Variants in SUCLG1 observed in about 807,000 individuals in gnomAD.
The protein encoded by SUCLG1 is succinate--CoA ligase [ADP/GDP-forming] subunit alpha, mitochondrial.
Under a neutral mutation model 37.3 loss-of-function variants are expected in SUCLG1, and 26 were observed. The ratio of observed to expected loss-of-function variants is 0.70; its 90% CI spans 0.51 to 0.97. The LOEUF (loss-of-function observed/expected upper bound fraction) is 0.97, where lower values mean the gene tolerates loss of function less well. Ranked by LOEUF, SUCLG1 falls within the 50% of genes least tolerant of loss-of-function variation. The pLI is 0.00. For missense variants in SUCLG1, 433 were observed against 432.9 expected (o/e 1.00, Z 0.00); for synonymous variants, 163 against 155.6 (o/e 1.05, Z -0.36).
At position 84,441,305 on chromosome 2, in the gene SUCLG1, T is replaced by C. The variant is rs779980220; in HGVS notation, c.473A>G (p.Lys158Arg). 8 of 1,614,146 alleles carry C rather than the reference T, an allele frequency of 5.0e-6. No homozygotes were observed. Among genetic ancestry groups the C allele is most frequent in the East Asian group, 2.2e-5 (1 of 44,882 alleles). Residue 158 changes from lysine (K) to arginine (R), a missense_variant, in exon 4 of 9, where the codon AAA (lysine) becomes AGA (arginine). Physicochemically the swap from Lys to Arg is conservative, Grantham distance 26. Transcript: ENST00000393868. ...CCTTGTCTTTTCCTGGCGCAGCAGT[T>C]TGTGCTTGACTCGTACCATGTCCTG... is the stretch of plus-strand genomic sequence containing the variant. ...PQQDMVRVKHKLLRQEKTRLI... is the reference protein window; with the variant it reads ...PQQDMVRVKHRLLRQEKTRLI...
At chr2:84,445,005 T>C (rs1048453428) in intron 2 of SUCLG1, among the ~76,000 whole-genome samples, 2 of 152,176 alleles carry the variant, frequency 1.3e-5, no homozygotes, top group East Asian at 1.9e-4. Flanking sequence ...TACAAACAAT[T>C]TGTGCAGTTA....
chr2:84,431,723 T>C, intron 6 of SUCLG1, 64 bp from the exon 7 acceptor site: 1 of 1,554,870 alleles, frequency 6.4e-7, no homozygotes, highest in South Asian at 1.1e-5. Context: ...TTTAGGTCAA[T>C]AAATGTTTTT....
At chr2:84,442,577 AAC>A (rs1349683893) in intron 3 of SUCLG1, among the ~76,000 whole-genome samples, 3 of 152,228 alleles carry the variant, frequency 2.0e-5, no homozygotes, top group African/African-American at 7.2e-5. Context: ...AGATTTCGAA[AAC>A]ACTGTAAAAT....
intron 7 of SUCLG1, 44 bp from the exon 8 acceptor site, chr2:84,425,647 A>G (rs1290931336): frequency 1.2e-6 from 2 of 1,607,582 alleles, no homozygotes; most frequent in African/African-American, 2.7e-5. Flanking sequence ...GAAGAAGTCA[A>G]TCAAAACGGG....
At chr2:84,440,607 A>G (rs188105526) in intron 5 of SUCLG1, among the ~76,000 whole-genome samples, 2 of 152,352 alleles carry the variant, frequency 1.3e-5, no homozygotes, top group African/African-American at 4.8e-5. Flanking sequence ...ACCTGTACAC[A>G]AATGTTGACC....
rs553731154 is a variant in SUCLG1 at position 84,439,301 on chromosome 2, A to T, written c.589+1746T>A. ...AGGCAAGGTCTAAAGGACTTCCCTG[A>T]ACTTCTCTTGATTTTCATTTTTTAG... On this transcript the variant is annotated intron_variant, in intron 5 of 8. Transcript: ENST00000393868. Among the ~76,000 whole-genome samples the T allele has an allele frequency of 4.3e-4, 65 of 152,254 alleles. No homozygotes were observed. In the South Asian group the frequency reaches 0.013, roughly 31 times the overall value.
At chr2:84,455,885 T>G (rs1325964340) in intron 1 of SUCLG1, among the ~76,000 whole-genome samples, 1 of 151,786 alleles carries the variant, frequency 6.6e-6, no homozygotes, top group Non-Finnish European at 1.5e-5. Flanking sequence ...GCCAGTCCCC[T>G]GATGAAATGA....
At chr2:84,431,032 G>A (rs893018094) in intron 7 of SUCLG1, among the ~76,000 whole-genome samples, 6 of 152,150 alleles carry the variant, frequency 3.9e-5, no homozygotes, top group African/African-American at 1.4e-4. Flanking sequence ...TTTTCTACTT[G>A]ATCTCTGAAG....
In SUCLG1 at chr2:84,438,884, T is replaced by C. The variant is rs190889234; in HGVS notation, c.589+2163A>G. Among the ~76,000 whole-genome samples the C allele has an allele frequency of 3.4e-4, 52 of 152,316 alleles. No homozygotes were observed. The East Asian group carries it at 4.8e-3, about 14-fold the overall frequency. The stretch of plus-strand genomic sequence containing the variant: ...TATAAAAACCCACCAATCAGCGCTC[T>C]GTAGCTAGAGGTTTGTAAAATGGAC... On this transcript the variant is annotated intron_variant, in intron 5 of 8. Coordinates refer to ENST00000393868, the MANE Select transcript of SUCLG1 (RefSeq NM_003849.4).
At chr2:84,449,199 C>T (rs1672897917) in intron 2 of SUCLG1, among the ~76,000 whole-genome samples, 2 of 152,314 alleles carry the variant, frequency 1.3e-5, no homozygotes, top group East Asian at 3.9e-4. Flanking sequence ...CTTCCCTTGT[C>T]TCAGTATCCA....
At chr2:84,448,476 T>G (rs1406190199) in intron 2 of SUCLG1, among the ~76,000 whole-genome samples, 1 of 146,562 alleles carries the variant, frequency 6.8e-6, no homozygotes, top group African/African-American at 2.6e-5. Flanking sequence ...AGAATTGACA[T>G]GACAATTCTT....
intron 1 of SUCLG1, among the ~76,000 whole-genome samples, chr2:84,453,083 A>G (rs1672965078): frequency 6.6e-6 from 1 of 152,214 alleles, no homozygotes; most frequent in South Asian, 2.1e-4. Flanking sequence ...ACATTAATCT[A>G]GTACAAACGC....
At chr2:84,448,979 A>G (rs1422992891) in intron 2 of SUCLG1, 1 of 398,568 alleles carries the variant, frequency 2.5e-6, no homozygotes, top group Non-Finnish European at 5.2e-6. Flanking sequence ...AAAAGGAAAG[A>G]AGATTCTTAT....
chr2:84,447,276 G>A (rs1310859240), intron 2 of SUCLG1, among the ~76,000 whole-genome samples: 2 of 148,636 alleles, frequency 1.3e-5, no homozygotes, highest in Admixed American at 6.9e-5. Flanking sequence ...ACAAACCTGA[G>A]GCAATTAACA....
At chr2:84,423,878 C>T in intron 8 of SUCLG1, 106 bp from the exon 9 acceptor site, 1 of 1,181,720 alleles carries the variant, frequency 8.5e-7, no homozygotes, top group Non-Finnish European at 1.2e-6. Flanking sequence ...TCTTTAGGAT[C>T]CCCTGAACAA....
At position 84,433,405 on chromosome 2, in the gene SUCLG1, T is replaced by C; in HGVS notation, c.620A>G (p.Tyr207Cys). ...TTGCGTTGTTTGGTGAACTGCTTCA[T>C]AAGTCAGGGTGCCAGATCTGGACAC... ...GIVSRSGTLT[Y>C]EAVHQTTQVG... The change falls in exon 6 of 9, where the codon TAT becomes TGT. Residue 207 changes from tyrosine to cysteine, a missense_variant. Coordinates refer to ENST00000393868, the MANE Select transcript of SUCLG1 (RefSeq NM_003849.4). 6.2e-7 allele frequency: 1 copy of C among 1,613,964 alleles called. No individual in the cohort carries two copies. The highest frequency in any genetic ancestry group is 1.3e-5 in the African/African-American group (1 of 75,058).
intron 5 of SUCLG1, among the ~76,000 whole-genome samples, chr2:84,440,103 G>A (rs1011179549): frequency 6.6e-6 from 1 of 152,180 alleles, no homozygotes; most frequent in Non-Finnish European, 1.5e-5. Context: ...AGCCGGGCAT[G>A]GTAGCTCACG....
intron 2 of SUCLG1, among the ~76,000 whole-genome samples, chr2:84,444,487 T>C (rs1672818211): frequency 1.3e-5 from 2 of 151,994 alleles, no homozygotes; most frequent in South Asian, 4.1e-4. Context: ...CACAAGGTAA[T>C]AGAATATCAC....
chr2:84,423,655 G>T lies in SUCLG1; in HGVS notation c.*91C>A. 1.5e-6 allele frequency: 2 copies of T among 1,290,564 alleles called. No individual in the cohort carries two copies. Among genetic ancestry groups the T allele is most frequent in the Non-Finnish European group, 1.1e-6 (1 of 904,094 alleles). The allele number at this position is 1,290,564 out of a possible 1,614,324, so 79.9% of individuals were successfully genotyped here. On this transcript the variant is annotated 3_prime_UTR_variant, in exon 9 of 9. Coordinates refer to ENST00000393868, the MANE Select transcript of SUCLG1 (RefSeq NM_003849.4). ...TGCAAGACCAGTGTCAGGCACATAG[G>T]CTGATTAATCAGTGGACAACAGAAG...
Sources: allele counts gnomAD v4.1 joint callset (sites outside exome capture counted in the v4.1 genomes callset), GRCh38; gene constraint gnomAD v4.1.1; transcripts MANE v1.5; gene names NCBI Gene and HGNC (gene_info 2026-07-23, HGNC 2026-07-21).